The following SHISA6 variants were observed in gnomAD, a reference collection of about 807,000 sequenced individuals.
SHISA6 encodes protein shisa-6.
SHISA6 carries 22 observed loss-of-function variants against 47.9 expected under a neutral mutation model. The ratio of observed to expected loss-of-function variants is 0.46; its 90% CI spans 0.33 to 0.66. The LOEUF is 0.66. Ranked by LOEUF, SHISA6 falls within the 30% of genes least tolerant of loss-of-function variation. SHISA6 has a pLI of 0.02. For missense variants in SHISA6, 680 were observed against 764.6 expected (o/e 0.89, Z 1.30); for synonymous variants, 388 against 337.8 (o/e 1.15, Z -1.63).
At chr17:11,386,868 G>C (rs1201823262) in intron 3 of SHISA6, among the ~76,000 whole-genome samples, 1 of 152,190 alleles carries the variant, frequency 6.6e-6, no homozygotes, top group Admixed American at 6.5e-5. Flanking sequence ...GACCATCCCG[G>C]GTTGCCCAGG....
At chr17:11,279,635 C>T (rs1909052168) in intron 2 of SHISA6, among the ~76,000 whole-genome samples, 2 of 152,206 alleles carry the variant, frequency 1.3e-5, no homozygotes, top group African/African-American at 2.4e-5. Flanking sequence ...AAGGCTGACT[C>T]ACTTGTTCAA....
intron 3 of SHISA6, among the ~76,000 whole-genome samples, chr17:11,513,638 G>T (rs552832405): frequency 6.6e-6 from 1 of 152,196 alleles, no homozygotes; most frequent in Admixed American, 6.5e-5. Flanking sequence ...TTTTTCTCCT[G>T]CCTTTTCACT....
intron 3 of SHISA6, among the ~76,000 whole-genome samples, chr17:11,544,961 CAAAAAAAAA>C (rs374571214): frequency 1.6e-4 from 10 of 62,672 alleles, no homozygotes; most frequent in African/African-American, 5.8e-4. Flanking sequence ...ACTCTCTCTC[CAAAAAAAAA>C]AAAAAAAAAA....
intron 2 of SHISA6, among the ~76,000 whole-genome samples, chr17:11,270,784 G>A (rs555794978): frequency 1.1e-4 from 17 of 152,266 alleles, no homozygotes; most frequent in African/African-American, 3.4e-4. Context: ...TCTTCCATGC[G>A]GTATTTCCTT....
intron 2 of SHISA6, among the ~76,000 whole-genome samples, chr17:11,317,055 C>G (rs1465574500): frequency 6.6e-6 from 1 of 151,972 alleles, no homozygotes; most frequent in Non-Finnish European, 1.5e-5. Flanking sequence ...TTTTTTCTGG[C>G]TTAATGACTG....
intron 1 of SHISA6, among the ~76,000 whole-genome samples, chr17:11,252,677 A>C (rs1202327152): frequency 6.6e-6 from 1 of 152,216 alleles, no homozygotes; most frequent in East Asian, 1.9e-4. Flanking sequence ...TCCTAGGATC[A>C]GGCTCAGATA....
chr17:11,459,252 A>T (rs1915640147), intron 3 of SHISA6, among the ~76,000 whole-genome samples: 1 of 151,852 alleles, frequency 6.6e-6, no homozygotes, highest in African/African-American at 2.4e-5. Context: ...TATGAATACA[A>T]GACTAATTTC....
chr17:11,466,883 G>A (rs1915822767), intron 3 of SHISA6, among the ~76,000 whole-genome samples: 1 of 152,050 alleles, frequency 6.6e-6, no homozygotes, highest in South Asian at 2.1e-4. Flanking sequence ...GCCTGCTTAG[G>A]ACACTTTTGT....
At chr17:11,518,053 CTTAG>C (rs2071599677) in intron 3 of SHISA6, among the ~76,000 whole-genome samples, 1 of 152,038 alleles carries the variant, frequency 6.6e-6, no homozygotes, top group East Asian at 1.9e-4. Context: ...TTCTTTGTGT[CTTAG>C]GAAGGGCAGG....
rs1198842053 is a variant in SHISA6, at chr17:11,524,628, C to T, written c.896-27268C>T. On this transcript the variant is annotated intron_variant, in intron 3 of 5. Coordinates refer to ENST00000441885, the MANE Select transcript of SHISA6 (RefSeq NM_207386.4). ...TTTCCTGCCTCAGCCTCCCGAGGAG[C>T]TGGGATTACAGGTGCCTGCCATCAT... Among the ~76,000 whole-genome samples, 3 of 151,956 alleles carry T rather than the reference C, an allele frequency of 2.0e-5. No homozygotes were observed. The East Asian group carries it at 5.8e-4, about 29-fold the overall frequency.
chr17:11,276,214 G>C (rs1908885142), intron 2 of SHISA6, among the ~76,000 whole-genome samples: 1 of 152,064 alleles, frequency 6.6e-6, no homozygotes, highest in East Asian at 1.9e-4. Context: ...CTGACCTCAA[G>C]TGATCCGCCC....
chr17:11,469,919 T>C (rs938699662), intron 3 of SHISA6, among the ~76,000 whole-genome samples: 2 of 152,116 alleles, frequency 1.3e-5, no homozygotes, highest in African/African-American at 4.8e-5. Flanking sequence ...TTTAAGCAGG[T>C]AGTAAAGGTT....
intron 2 of SHISA6, among the ~76,000 whole-genome samples, chr17:11,338,793 A>T (rs1911415411): frequency 6.6e-6 from 1 of 152,158 alleles, no homozygotes; most frequent in South Asian, 2.1e-4. Flanking sequence ...GTGACTTTGA[A>T]TTTTGCTGTT....
chr17:11,423,015 G>A (rs1247783068), intron 3 of SHISA6, among the ~76,000 whole-genome samples: 2 of 151,698 alleles, frequency 1.3e-5, no homozygotes, highest in Non-Finnish European at 2.9e-5. Context: ...AAAACAGAGG[G>A]AATTAAAACC....
chr17:11,520,572 CATTTCAGTGTTGCAACT>C (rs2071621291), intron 3 of SHISA6, among the ~76,000 whole-genome samples: 1 of 152,144 alleles, frequency 6.6e-6, no homozygotes, highest in African/African-American at 2.4e-5. Context: ...CTACACTGAT[CATTTCAGTGTTGCAACT>C]ATGCTTATGC....
At chr17:11,379,617 T>C in intron 3 of SHISA6, 108 bp downstream of exon 3, 1 of 727,472 alleles carries the variant, frequency 1.4e-6, no homozygotes, top group South Asian at 1.7e-5. Context: ...CAGGAATAAG[T>C]GGGGTGGTTC....
At chr17:11,389,410 C>T (rs75467553) in intron 3 of SHISA6, among the ~76,000 whole-genome samples, 5,626 of 152,240 alleles carry the variant, frequency 0.037, 193 homozygotes, top group Admixed American at 0.088. Context: ...ATAACTCAGG[C>T]ATAGCTGGAT....
chr17:11,541,134 T>C (rs1201286427), intron 3 of SHISA6, among the ~76,000 whole-genome samples: 1 of 152,190 alleles, frequency 6.6e-6, no homozygotes, highest in East Asian at 1.9e-4. Context: ...CCAGAGGAAA[T>C]GTTTCTTCTA....
At chr17:11,292,737 G>A (rs1013321954) in intron 2 of SHISA6, among the ~76,000 whole-genome samples, 5 of 151,992 alleles carry the variant, frequency 3.3e-5, no homozygotes, top group African/African-American at 1.2e-4. Flanking sequence ...CGTCCTTCCG[G>A]TGGGATACAT....
Sources: allele counts gnomAD v4.1 joint callset (sites outside exome capture counted in the v4.1 genomes callset), GRCh38; gene constraint gnomAD v4.1.1; transcripts MANE v1.5; gene names NCBI Gene and HGNC (gene_info 2026-07-23, HGNC 2026-07-21).